Variants in KLRF1 observed in about 807,000 individuals in gnomAD.
KLRF1 encodes killer cell lectin like receptor F1, also known as killer cell lectin-like receptor subfamily F member 1.
KLRF1 carries 27 observed loss-of-function variants against 30.7 expected under a neutral mutation model. The observed-to-expected ratio is 0.88, with a 90% CI of 0.65 to 1.21. The LOEUF (loss-of-function observed/expected upper bound fraction) is 1.21. KLRF1 is among the 50% of genes most tolerant of loss of function. The pLI is 0.00. For synonymous variants in KLRF1, 92 were observed against 89.3 expected (o/e 1.03, Z -0.17); for missense variants, 246 against 259.3 (o/e 0.95, Z 0.35).
rs762889631 is a variant in KLRF1 at position 9,841,975 on chromosome 12, A to C, written c.474+24A>C. 4 of 1,586,296 alleles carry C rather than the reference A, an allele frequency of 2.5e-6. No individual in the cohort carries two copies. The East Asian group carries it at 6.8e-5, about 27-fold the overall frequency. On this transcript the variant is annotated intron_variant, in intron 4 of 5. Transcript: ENST00000617889. ...TGGTAATTGGTCTAGTATCAGGGTTATGGCATCTTTGCAGTAAAAAATGGC... is the reference window on the plus strand; with the variant it reads ...TGGTAATTGGTCTAGTATCAGGGTTCTGGCATCTTTGCAGTAAAAAATGGC...
At chr12:9,823,546 C>A (rs760288345), upstream of KLRF1, among the ~76,000 whole-genome samples, 1 of 152,170 alleles carries the variant, frequency 6.6e-6, no homozygotes, top group African/African-American at 2.4e-5. Context: ...AGAAAGATCT[C>A]AAATTTAACA....
chr12:9,807,922 A>G, the KLRF1 span, among the ~76,000 whole-genome samples: 1 of 152,112 alleles, frequency 6.6e-6, no homozygotes, highest in Non-Finnish European at 1.5e-5. Flanking sequence ...GTTAACTATT[A>G]TTAACTAATA....
At chr12:9,832,874 C>A (rs961109356) in intron 2 of KLRF1, among the ~76,000 whole-genome samples, 4 of 151,904 alleles carry the variant, frequency 2.6e-5, no homozygotes, top group Admixed American at 2.0e-4. Flanking sequence ...TTACAAATTC[C>A]CCAAAATTTT....
upstream of KLRF1, among the ~76,000 whole-genome samples, chr12:9,826,368 A>G: frequency 6.6e-6 from 1 of 152,188 alleles, no homozygotes; most frequent in East Asian, 1.9e-4. Context: ...ATTATTAAAA[A>G]GTCAAAAAAT....
At chr12:9,835,939 T>C (rs1030239115) in intron 3 of KLRF1, among the ~76,000 whole-genome samples, 4 of 151,884 alleles carry the variant, frequency 2.6e-5, no homozygotes, top group African/African-American at 9.7e-5. Flanking sequence ...AGAAAGTAAA[T>C]GAGTTCTTCA....
intron 1 of KLRF1, among the ~76,000 whole-genome samples, chr12:9,829,668 G>A (rs1591752819): frequency 6.6e-6 from 1 of 152,290 alleles, no homozygotes; most frequent in African/African-American, 2.4e-5. Flanking sequence ...GCTCAGGAGG[G>A]AGGATCTCTG....
chr12:9,832,306 A>G lies in KLRF1; in HGVS notation c.86-10A>G, dbSNP rs1274321295. 2.7e-6 allele frequency: 4 copies of G among 1,461,466 alleles called. No homozygotes were observed. The highest frequency in any genetic ancestry group is 3.8e-6 in the Non-Finnish European group (4 of 1,043,700). The allele number at this position is 1,461,466 out of a possible 1,614,324, so 90.5% of individuals were successfully genotyped here. On this transcript the variant is annotated splice_polypyrimidine_tract_variant and intron_variant, in intron 1 of 5. Coordinates refer to ENST00000617889, the MANE Select transcript of KLRF1 (RefSeq NM_016523.3). Reference sequence around the variant, plus strand: ...CTTTTCTAAACTAATTCATGTGATTAATGTCTCAGATTATTCAGTGACGTT... The same window carrying G: ...CTTTTCTAAACTAATTCATGTGATTGATGTCTCAGATTATTCAGTGACGTT...
chr12:9,809,113 T>G, the KLRF1 span, among the ~76,000 whole-genome samples: 1 of 151,934 alleles, frequency 6.6e-6, no homozygotes, highest in Non-Finnish European at 1.5e-5. Flanking sequence ...AAATTGAGAG[T>G]TTAGCGAGAT....
intron 3 of KLRF1, among the ~76,000 whole-genome samples, chr12:9,833,750 CTTAT>C (rs1000447826): frequency 2.6e-5 from 4 of 151,962 alleles, no homozygotes; most frequent in Non-Finnish European, 4.4e-5. Flanking sequence ...TTGTTTGTCA[CTTAT>C]TTATTCTTCT....
the KLRF1 span, among the ~76,000 whole-genome samples, chr12:9,814,760 C>T: frequency 7.7e-6 from 1 of 129,990 alleles, no homozygotes; most frequent in Non-Finnish European, 1.6e-5. Flanking sequence ...CCGAGGGCTG[C>T]CCGCCCAGCC....
the KLRF1 span, among the ~76,000 whole-genome samples, chr12:9,809,075 A>G: frequency 6.6e-6 from 1 of 152,304 alleles, no homozygotes; most frequent in East Asian, 1.9e-4. Context: ...ATAGAATCAT[A>G]AACTCCAAAC....
intron 3 of KLRF1, among the ~76,000 whole-genome samples, chr12:9,840,061 C>T (rs777866071): frequency 2.6e-5 from 4 of 152,022 alleles, no homozygotes; most frequent in Non-Finnish European, 4.4e-5. Context: ...TTTTATGAAC[C>T]TTGAAAACAT....
intron 3 of KLRF1, among the ~76,000 whole-genome samples, chr12:9,836,244 G>A (rs992872569): frequency 1.3e-5 from 2 of 151,946 alleles, no homozygotes; most frequent in African/African-American, 2.4e-5. Context: ...GCTTTACGAA[G>A]TTACCCCCAC....
At chr12:9,826,018 T>G (rs2121183238), upstream of KLRF1, among the ~76,000 whole-genome samples, 1 of 152,316 alleles carries the variant, frequency 6.6e-6, no homozygotes, top group African/African-American at 2.4e-5. Context: ...TGTATTATCC[T>G]TTTACTTTTG....
At chr12:9,800,780 T>C in the KLRF1 span, among the ~76,000 whole-genome samples, 568 of 152,170 alleles carry the variant, frequency 3.7e-3, 4 homozygotes, top group African/African-American at 0.013. Flanking sequence ...ATCTGATATG[T>C]CTTTTGTTAA....
the KLRF1 span, among the ~76,000 whole-genome samples, chr12:9,814,060 C>A: frequency 1.3e-5 from 2 of 152,186 alleles, no homozygotes; most frequent in African/African-American, 4.8e-5. Flanking sequence ...CCCCACAACA[C>A]CCCACACACC....
the KLRF1 span, among the ~76,000 whole-genome samples, chr12:9,812,942 T>C: frequency 6.6e-6 from 1 of 152,170 alleles, no homozygotes; most frequent in African/African-American, 2.4e-5. Context: ...TTTCAAATGC[T>C]TGTACACTTG....
chr12:9,811,335 A>G, the KLRF1 span, among the ~76,000 whole-genome samples: 6 of 146,428 alleles, frequency 4.1e-5, no homozygotes, highest in Admixed American at 6.8e-5. Flanking sequence ...AAAAAAAAAA[A>G]AGAGAGAAAA....
chr12:9,813,698 A>G, the KLRF1 span, among the ~76,000 whole-genome samples: 2 of 152,312 alleles, frequency 1.3e-5, no homozygotes, highest in African/African-American at 4.8e-5. Context: ...CAGAGAAGCG[A>G]CAGGAAAGCT....
Sources: gnomAD v4.1 joint callset for allele counts (sites outside exome capture counted in the v4.1 genomes callset) on GRCh38, gnomAD v4.1.1 for gene constraint, MANE v1.5 for transcripts, NCBI Gene and HGNC (gene_info 2026-07-23, HGNC 2026-07-21) for gene names.